SP100: variants seen among roughly 807,000 people sequenced by gnomAD.
SP100 encodes the protein nuclear autoantigen Sp-100.
A neutral mutation model predicts 130.0 loss-of-function variants in SP100; 84 were observed. The observed-to-expected ratio is 0.65, with a 90% CI of 0.54 to 0.77. The LOEUF is 0.77. Among genes scored for constraint, SP100 ranks in the 30% least tolerant of loss-of-function variants. The pLI is 0.00. For synonymous variants in SP100, 331 were observed against 351.7 expected, an observed-to-expected ratio of 0.94 and a Z score of 0.66; for missense variants, 978 against 1,052.2, an observed-to-expected ratio of 0.93 and a Z score of 0.97.
At chr2:230,442,875 C>T (rs879264664) in intron 2 of SP100, 62 bp from the exon 3 acceptor site, 1 of 1,421,878 alleles carries the variant, frequency 7.0e-7, no homozygotes, top group Admixed American at 1.9e-5. Flanking sequence ...TAAACTCTTA[C>T]AGCCTCCACA....
chr2:230,538,837 A>G (rs957275676), intron 24 of SP100: 6 of 158,072 alleles, frequency 3.8e-5, no homozygotes, highest in Non-Finnish European at 5.6e-5. Flanking sequence ...CATTCTTGCT[A>G]TGACAAGAGT....
chr2:230,487,696 TTCTAATTCTG>T (rs375220316), intron 17 of SP100, among the ~76,000 whole-genome samples: 3,168 of 152,306 alleles, frequency 0.021, 122 homozygotes, highest in African/African-American at 0.072. Context: ...AAGTAGTTTT[TTCTAATTCTG>T]TCTAATTCTG....
chr2:230,506,394 C>T lies in SP100; in HGVS notation c.1962C>T (p.Asn654=), dbSNP rs2150072672. The T allele has an allele frequency of 6.2e-7, 1 of 1,613,884 alleles. No individual in the cohort carries two copies. The highest frequency in any genetic ancestry group is 1.3e-5 in the African/African-American group (1 of 75,042). ...AAGGAGACCGCGGAGCATCCAAGAA[C>T]TGGAAGCTAAGTATACGCTGCGGTG... The part of the protein sequence containing the change: ...EIEGDRGASK[N]WKLSIRCGGY... Residue 654 remains asparagine, a synonymous_variant, in exon 22 of 29, where the codon AAC becomes AAT. Transcript: ENST00000340126.
intron 24 of SP100, among the ~76,000 whole-genome samples, chr2:230,524,551 T>G (rs1048951498): frequency 6.6e-6 from 1 of 152,140 alleles, no homozygotes; most frequent in Non-Finnish European, 1.5e-5. Context: ...ACATTTGATA[T>G]TCACAGGTTA....
chr2:230,464,083 C>T lies in SP100; in HGVS notation c.1074C>T (p.Asn358=), dbSNP rs776586523. The change falls in exon 11 of 29, where the codon AAC becomes AAT. Residue 358 remains asparagine (N), a synonymous_variant. Transcript: ENST00000340126. ...PRSEPVINND[N]PLESNDEKEG... Reference sequence around the variant, plus strand: ...TTTGTGCAGTGATCAATAATGACAACCCTTTAGAATCAAATGATGAAAAGG... The same window carrying T: ...TTTGTGCAGTGATCAATAATGACAATCCTTTAGAATCAAATGATGAAAAGG... 1.2e-6 allele frequency: 2 copies of T among 1,611,826 alleles called. No individual in the cohort carries two copies. The highest frequency in any genetic ancestry group is 1.1e-5 in the South Asian group (1 of 91,038).
Position 230,542,189 on chromosome 2 carries a change from T to C in SP100, c.2547+154T>C, listed in dbSNP as rs142829500. 3.9e-3 allele frequency among the ~76,000 whole-genome samples: 588 copies of C among 152,272 alleles called. 4 individuals carry two copies. Among genetic ancestry groups the C allele is most frequent in the African/African-American group, 0.014 (574 of 41,556 alleles). On this transcript the variant is annotated intron_variant, in intron 28 of 28. Transcript: ENST00000340126. ...AATCCTGGAAGTATCCTAAAAGCCC[T>C]GTAGTGCATGTGGAGAAAATAACAA...
At chr2:230,520,258 A>G (rs1338172796) in intron 24 of SP100, among the ~76,000 whole-genome samples, 1 of 152,134 alleles carries the variant, frequency 6.6e-6, no homozygotes, top group Non-Finnish European at 1.5e-5. Flanking sequence ...CACCTCCGCT[A>G]TTGTGGGTTT....
intron 24 of SP100, among the ~76,000 whole-genome samples, chr2:230,514,348 G>A (rs1009148335): frequency 1.4e-5 from 2 of 146,164 alleles, no homozygotes; most frequent in African/African-American, 2.7e-5. Context: ...GAGAATTTGT[G>A]TACAAGAATG....
intron 24 of SP100, among the ~76,000 whole-genome samples, chr2:230,533,153 T>C (rs1304475495): frequency 6.6e-6 from 1 of 152,252 alleles, no homozygotes; most frequent in African/African-American, 2.4e-5. Context: ...CCTGTTTTGT[T>C]GCATAGTATC....
intron 18 of SP100, among the ~76,000 whole-genome samples, chr2:230,496,935 C>A (rs545480118): frequency 6.6e-6 from 1 of 152,298 alleles, no homozygotes; most frequent in East Asian, 1.9e-4. Flanking sequence ...CTATAAATGT[C>A]TCTGCCTTCC....
intron 24 of SP100, among the ~76,000 whole-genome samples, chr2:230,530,403 T>C (rs934140406): frequency 6.6e-5 from 10 of 152,174 alleles, no homozygotes; most frequent in African/African-American, 2.4e-4. Flanking sequence ...CTGGACACCT[T>C]CCTTACACCT....
intron 2 of SP100, among the ~76,000 whole-genome samples, chr2:230,431,617 A>T (rs1276166056): frequency 6.6e-6 from 1 of 152,096 alleles, no homozygotes; most frequent in Admixed American, 6.5e-5. Context: ...GTGACATCCC[A>T]TCCTGGATGT....
chr2:230,459,841 G>C (rs958017445), intron 8 of SP100, among the ~76,000 whole-genome samples: 1 of 152,192 alleles, frequency 6.6e-6, no homozygotes, highest in Non-Finnish European at 1.5e-5. Context: ...TTCCAAAATA[G>C]AAACCAGTTG....
At chr2:230,422,776 G>A (rs951897145) in intron 2 of SP100, among the ~76,000 whole-genome samples, 1 of 152,126 alleles carries the variant, frequency 6.6e-6, no homozygotes, top group Admixed American at 6.5e-5. Context: ...GCATAGATTG[G>A]TTCTCTAATG....
At chr2:230,524,398 C>T (rs7592875) in intron 24 of SP100, among the ~76,000 whole-genome samples, 2,610 of 146,630 alleles carry the variant, frequency 0.018, 76 homozygotes, top group African/African-American at 0.061. Flanking sequence ...GGAAAAAAAA[C>T]GTATAAACCC....
intron 17 of SP100, among the ~76,000 whole-genome samples, chr2:230,483,954 A>G (rs757172717): frequency 5.9e-5 from 9 of 152,210 alleles, no homozygotes; most frequent in Non-Finnish European, 1.2e-4. Context: ...GTAATATCAC[A>G]TTGATTTATT....
intron 17 of SP100, among the ~76,000 whole-genome samples, chr2:230,492,215 A>G (rs182402371): frequency 1.8e-4 from 28 of 152,288 alleles, no homozygotes; most frequent in Middle Eastern, 6.8e-3. Context: ...GGATTTGTCA[A>G]CACAATACCT....
chr2:230,479,687 T>C (rs1367629812), intron 17 of SP100, among the ~76,000 whole-genome samples: 2 of 152,168 alleles, frequency 1.3e-5, no homozygotes, highest in Non-Finnish European at 2.9e-5. Context: ...TTTAAAGCGA[T>C]CCCCCAACCA....
At chr2:230,416,890 C>T (rs1250859624) in intron 1 of SP100, 3 of 985,256 alleles carry the variant, frequency 3.0e-6, no homozygotes, top group African/African-American at 1.7e-5. Context: ...GGGTGACAAA[C>T]GGCTAAATAT....
Sources: allele counts gnomAD v4.1 joint callset (sites outside exome capture counted in the v4.1 genomes callset), GRCh38; gene constraint gnomAD v4.1.1; transcripts MANE v1.5; gene names NCBI Gene and HGNC (gene_info 2026-07-23, HGNC 2026-07-21).